The following TENM2 variants were observed in gnomAD, a reference collection of about 807,000 sequenced individuals.
The protein encoded by TENM2 is teneurin transmembrane protein 2, also known as teneurin-2.
TENM2 carries 52 observed loss-of-function variants against 245.2 expected under a neutral mutation model. The ratio of observed to expected loss-of-function variants is 0.21; its 90% CI spans 0.17 to 0.27. The LOEUF (loss-of-function observed/expected upper bound fraction) is 0.27. Among genes scored for constraint, TENM2 ranks in the 10% least tolerant of loss-of-function variants. TENM2 has a pLI of 1.00. For synonymous variants in TENM2, 1,363 were observed against 1,438.9 expected (o/e 0.95, Z 1.19); for missense variants, 3,046 against 3,666.8 (o/e 0.83, Z 4.37).
intron 2 of TENM2, among the ~76,000 whole-genome samples, chr5:167,713,370 T>C (rs1162117611): frequency 6.6e-6 from 1 of 150,650 alleles, no homozygotes; most frequent in Non-Finnish European, 1.5e-5. Flanking sequence ...CTGAGAGCGC[T>C]CTCACTTCAG....
At chr5:167,471,509 G>T (rs1767025455) in intron 2 of TENM2, among the ~76,000 whole-genome samples, 2 of 152,068 alleles carry the variant, frequency 1.3e-5, no homozygotes, top group South Asian at 4.1e-4. Context: ...GTTTAATCAG[G>T]TACGCTGAAG....
At chr5:167,655,724 A>G (rs1329377376) in intron 2 of TENM2, among the ~76,000 whole-genome samples, 1 of 152,242 alleles carries the variant, frequency 6.6e-6, no homozygotes, top group Non-Finnish European at 1.5e-5. Context: ...CTATTTGGCT[A>G]ATCAAAGTAT....
intron 19 of TENM2, among the ~76,000 whole-genome samples, chr5:168,206,168 G>A (rs1052870697): frequency 1.3e-5 from 2 of 152,216 alleles, no homozygotes; most frequent in African/African-American, 4.8e-5. Flanking sequence ...GGAACTGCAG[G>A]TTGCACTTGC....
At chr5:167,612,569 TA>T (rs1777545321) in intron 2 of TENM2, among the ~76,000 whole-genome samples, 1 of 152,142 alleles carries the variant, frequency 6.6e-6, no homozygotes, top group South Asian at 2.1e-4. Flanking sequence ...AAAATAACTT[TA>T]AAAGGTTGTA....
chr5:167,651,447 C>T lies in TENM2; in HGVS notation c.503-224539C>T, dbSNP rs533804881. ...TTGAGCCACACTTCAAGTAGGATGACATGATTTCCTACAAAATGAGGATGT... is the reference window on the plus strand; with the variant it reads ...TTGAGCCACACTTCAAGTAGGATGATATGATTTCCTACAAAATGAGGATGT... On this transcript the variant is annotated intron_variant, in intron 2 of 28. Transcript: ENST00000518659. Among the ~76,000 whole-genome samples, 8 of 151,640 alleles carry T rather than the reference C, an allele frequency of 5.3e-5. No homozygotes were observed. In the South Asian group the frequency reaches 1.7e-3, roughly 32 times the overall value.
chr5:167,949,677 G>A (rs980085327), intron 3 of TENM2, among the ~76,000 whole-genome samples: 2 of 152,152 alleles, frequency 1.3e-5, no homozygotes, highest in African/African-American at 4.8e-5. Flanking sequence ...AGCACGCCCA[G>A]GTTCACACAA....
the TENM2 span, among the ~76,000 whole-genome samples, chr5:167,247,318 C>G: frequency 2.0e-5 from 3 of 152,238 alleles, no homozygotes; most frequent in South Asian, 4.1e-4. Flanking sequence ...TCCCAAACAG[C>G]CTTTACAGCC....
At chr5:168,233,917 C>A (rs1028910180) in intron 25 of TENM2, among the ~76,000 whole-genome samples, 2 of 152,104 alleles carry the variant, frequency 1.3e-5, no homozygotes, top group East Asian at 1.9e-4. Flanking sequence ...TAGAATAGCA[C>A]GGGAAAGATC....
chr5:167,175,871 G>A, the TENM2 span, among the ~76,000 whole-genome samples: 11 of 152,086 alleles, frequency 7.2e-5, no homozygotes, highest in East Asian at 1.9e-4. Flanking sequence ...CGTGACACAC[G>A]GCTGATTTTT....
At chr5:167,858,871 G>A (rs1344421684) in intron 2 of TENM2, among the ~76,000 whole-genome samples, 7 of 138,170 alleles carry the variant, frequency 5.1e-5, no homozygotes, top group Non-Finnish European at 1.1e-4. Flanking sequence ...CGAGGGCAAG[G>A]AGCAGCTGCC....
chr5:168,035,389 C>T (rs565950201), intron 5 of TENM2, among the ~76,000 whole-genome samples: 30 of 151,064 alleles, frequency 2.0e-4, no homozygotes, highest in Non-Finnish European at 3.8e-4. Context: ...CCCAGCTACT[C>T]GGGAGGCTGA....
intron 2 of TENM2, among the ~76,000 whole-genome samples, chr5:167,394,969 G>A (rs1477157715): frequency 6.6e-6 from 1 of 152,092 alleles, no homozygotes; most frequent in East Asian, 1.9e-4. Context: ...CTTTGGCTTT[G>A]AACCAAGATT....
intron 2 of TENM2, among the ~76,000 whole-genome samples, chr5:167,447,552 G>T (rs142397971): frequency 3.3e-5 from 5 of 152,076 alleles, no homozygotes; most frequent in African/African-American, 9.7e-5. Flanking sequence ...GATCTCTTAC[G>T]TGAGGCTCAG....
Position 167,698,679 on chromosome 5 carries a change from G to GTTTT in TENM2, c.503-177288_503-177285dup, listed in dbSNP as rs1225922111. The stretch of plus-strand genomic sequence containing the variant: ...GTGTGTGTGTTTTGTTTTGTTTTTT[G>GTTTT]TTTTTTTTTTTTTTTTTTTTTTGAG... On this transcript the variant is annotated intron_variant, in intron 2 of 28. Transcript: ENST00000518659. Among the ~76,000 whole-genome samples the GTTTT allele has an allele frequency of 2.3e-3, 224 of 97,692 alleles. 4 individuals carry two copies. The highest frequency in any genetic ancestry group is 7.0e-3 in the African/African-American group (167 of 23,704). 64.1% of individuals were successfully genotyped at this position (97,692 alleles called of 152,430 possible). A position where few individuals can be genotyped will look rare whatever the true frequency, so the allele number is the denominator to read the frequency against.
intron 2 of TENM2, among the ~76,000 whole-genome samples, chr5:167,822,716 G>A (rs1190803074): frequency 2.0e-5 from 3 of 151,880 alleles, no homozygotes; most frequent in East Asian, 3.9e-4. Context: ...AGAAGGAGAA[G>A]CAAAGAAGCA....
chr5:167,088,327 C>T, the TENM2 span, among the ~76,000 whole-genome samples: 1 of 152,104 alleles, frequency 6.6e-6, no homozygotes, highest in African/African-American at 2.4e-5. Context: ...CTCCAATTCT[C>T]ACTAAAAGTT....
chr5:168,020,752 C>A (rs1417552616), intron 5 of TENM2, among the ~76,000 whole-genome samples: 2 of 152,204 alleles, frequency 1.3e-5, no homozygotes, highest in African/African-American at 4.8e-5. Context: ...CCCTTCCAGG[C>A]TGTTTCCTTC....
chr5:167,538,858 G>A (rs976261067), intron 2 of TENM2, among the ~76,000 whole-genome samples: 2 of 152,124 alleles, frequency 1.3e-5, no homozygotes, highest in African/African-American at 4.8e-5. Context: ...AAACCATGTC[G>A]AAACGCAGAA....
chr5:167,059,780 T>C, the TENM2 span, among the ~76,000 whole-genome samples: 2 of 150,864 alleles, frequency 1.3e-5, no homozygotes, highest in Non-Finnish European at 2.9e-5. Context: ...CTCAGCTCAC[T>C]GCAACCTCCG....
Sources: gnomAD v4.1 joint callset for allele counts (sites outside exome capture counted in the v4.1 genomes callset) on GRCh38, gnomAD v4.1.1 for gene constraint, MANE v1.5 for transcripts, NCBI Gene and HGNC (gene_info 2026-07-23, HGNC 2026-07-21) for gene names.